TBC1D21: variants seen among roughly 807,000 people sequenced by gnomAD.
TBC1D21 encodes male germ cell Rab GTPase-activating protein.
In TBC1D21, 38 loss-of-function variants were observed where a neutral mutation model predicts 46.0. The ratio of observed to expected loss-of-function variants is 0.83; its 90% CI spans 0.64 to 1.08. TBC1D21 has a LOEUF of 1.08. TBC1D21 is among the 50% of genes least tolerant of loss of function. The pLI, the probability that TBC1D21 is intolerant of heterozygous loss-of-function variation, is 0.00. For synonymous variants in TBC1D21, 151 were observed against 157.2 expected, an observed-to-expected ratio of 0.96 and a Z score of 0.29; for missense variants, 415 against 417.9, an observed-to-expected ratio of 0.99 and a Z score of 0.06.
Position 73,888,365 on chromosome 15 carries a change from G to A in TBC1D21, c.895-65G>A, listed in dbSNP as rs1433854744. 4.3e-6 allele frequency: 6 copies of A among 1,393,972 alleles called. No individual in the cohort carries two copies. In the East Asian group the frequency reaches 1.2e-4, roughly 28 times the overall value. The allele number at this position is 1,393,972 out of a possible 1,614,324, so 86.4% of individuals were successfully genotyped here. A position where few individuals can be genotyped will look rare whatever the true frequency, so the allele number is the denominator to read the frequency against. On this transcript the variant is annotated intron_variant, in intron 9 of 10. Transcript: ENST00000300504. ...CTGGGTGCTGCAGGCAGCTGCATGT[G>A]CCCAAGAGTGCTGGGAGATGTTTGC... is the stretch of plus-strand genomic sequence containing the variant.
the TBC1D21 span, among the ~76,000 whole-genome samples, chr15:73,905,650 AC>A: frequency 6.6e-6 from 1 of 152,228 alleles, no homozygotes; most frequent in African/African-American, 2.4e-5. Context: ...ACTGCTACAA[AC>A]CAGGGCATTT....
At chr15:73,898,902 T>TATATATATATATATAA in the TBC1D21 span, among the ~76,000 whole-genome samples, 1 of 112,890 alleles carries the variant, frequency 8.9e-6, no homozygotes, top group Non-Finnish European at 1.8e-5. Flanking sequence ...TATATATATA[T>TATATATATATATATAA]ACACACACAC....
the TBC1D21 span, among the ~76,000 whole-genome samples, chr15:73,907,109 CTCTTCCTCT>C: frequency 1.3e-5 from 2 of 150,820 alleles, no homozygotes; most frequent in Non-Finnish European, 3.0e-5. Context: ...CCTTCTCCTC[CTCTTCCTCT>C]TCTTCCTCTT....
In TBC1D21 at chr15:73,887,589, A is replaced by G. The variant is rs376313102; in HGVS notation, c.778-31A>G. Reference sequence around the variant, plus strand: ...CAGGGCATCTGCAGTCTCAGACCACAGGGCCCAGACTGAGACGTCCTGACC... The same window carrying G: ...CAGGGCATCTGCAGTCTCAGACCACGGGGCCCAGACTGAGACGTCCTGACC... On this transcript the variant is annotated intron_variant, in intron 8 of 10. Transcript: ENST00000300504. 30 of 1,595,134 alleles carry G rather than the reference A, an allele frequency of 1.9e-5. No individual in the cohort carries two copies. The African/African-American group carries it at 3.9e-4, about 21-fold the overall frequency.
At position 73,887,733 on chromosome 15, in the gene TBC1D21, C is replaced by T. The variant is rs763679292; in HGVS notation, c.891C>T (p.Leu297=). 13 of 1,613,008 alleles carry T rather than the reference C, an allele frequency of 8.1e-6. No individual in the cohort carries two copies. The South Asian group carries it at 8.8e-5, about 11-fold the overall frequency. ...AAAGCATGGGCGGGGATGACATCCT[C>T]CTGGTGAGAGCACCCTCGGGCAAGC... ...LQESMGGDDI[L]LACNNLIDLD... Residue 297 remains leucine, a synonymous_variant, in exon 9 of 11, where the codon CTC becomes CTT. Coordinates refer to ENST00000300504, the MANE Select transcript of TBC1D21 (RefSeq NM_153356.3).
rs1595823386 is a variant in TBC1D21 at position 73,884,306 on chromosome 15, C to T, written c.367+61C>T. On this transcript the variant is annotated intron_variant, in intron 4 of 10. Coordinates refer to ENST00000300504, the MANE Select transcript of TBC1D21 (RefSeq NM_153356.3). ...GAGGGCTTGAAGCCAACCCTGCCCC[C>T]TTCTCAGCCACTTCCAGGGAGGGAT... is the stretch of plus-strand genomic sequence containing the variant. The T allele has an allele frequency of 1.3e-5, 19 of 1,454,024 alleles. 2 individuals carry two copies. In the Middle Eastern group the frequency reaches 2.1e-3, roughly 163 times the overall value. The allele number at this position is 1,454,024 out of a possible 1,614,324, so 90.1% of individuals were successfully genotyped here.
rs1044567393 is a variant in TBC1D21, at chr15:73,887,839, G to C, written c.894+103G>C. ...GGGGTTCATGGGGTGCTGGGCACCA[G>C]TGCCACCTTTTCCCCCCAGACAGAA... On this transcript the variant is annotated intron_variant, in intron 9 of 10. Transcript: ENST00000300504. 10 of 923,264 alleles carry C rather than the reference G, an allele frequency of 1.1e-5. No individual in the cohort carries two copies. The African/African-American group carries it at 1.6e-4, about 15-fold the overall frequency. The allele number at this position is 923,264 out of a possible 1,614,324, so 57.2% of individuals were successfully genotyped here.
At chr15:73,903,682 T>G in the TBC1D21 span, among the ~76,000 whole-genome samples, 1 of 152,214 alleles carries the variant, frequency 6.6e-6, no homozygotes, top group Non-Finnish European at 1.5e-5. Flanking sequence ...ACCAGGCCCC[T>G]TCACTCAGTA....
the TBC1D21 span, among the ~76,000 whole-genome samples, chr15:73,903,358 C>T: frequency 7.4e-4 from 112 of 152,304 alleles, no homozygotes; most frequent in African/African-American, 2.6e-3. Flanking sequence ...GAAGGAAGGG[C>T]GGGGAGCTGG....
intron 1 of TBC1D21, among the ~76,000 whole-genome samples, chr15:73,878,840 G>C (rs1457369590): frequency 6.6e-6 from 1 of 152,212 alleles, no homozygotes; most frequent in Admixed American, 6.5e-5. Flanking sequence ...ACACAGCCCA[G>C]CTTTGCCTGT....
chr15:73,892,421 A>G (rs964473254), downstream of TBC1D21, among the ~76,000 whole-genome samples: 3 of 152,170 alleles, frequency 2.0e-5, no homozygotes, highest in South Asian at 4.1e-4. Context: ...CCTTTTGGGG[A>G]TCCCAGACCT....
At chr15:73,898,965 A>C in the TBC1D21 span, among the ~76,000 whole-genome samples, 2 of 149,742 alleles carry the variant, frequency 1.3e-5, no homozygotes, top group Non-Finnish European at 3.0e-5. Context: ...ATATAAAATA[A>C]TTAATAAAAA....
Position 73,884,872 on chromosome 15 carries a change from C to T in TBC1D21, c.459C>T (p.Tyr153=), listed in dbSNP as rs138628164. 982 of 1,613,994 alleles carry T rather than the reference C, an allele frequency of 6.1e-4. No individual in the cohort carries two copies. Among genetic ancestry groups the T allele is most frequent in the Non-Finnish European group, 7.9e-4 (932 of 1,179,908 alleles). The change falls in exon 5 of 11, where the codon TAC becomes TAT. Residue 153 remains tyrosine, a synonymous_variant. Transcript: ENST00000300504. ...TAGAGAAGATCCTGCTCCTGAGTTA[C>T]GTCTGCAACACGCAGGCAGGTGAGC... The part of the protein sequence containing the change: ...KRLEKILLLS[Y]VCNTQAEYQQ...
At chr15:73,905,853 GC>G in the TBC1D21 span, among the ~76,000 whole-genome samples, 2 of 152,210 alleles carry the variant, frequency 1.3e-5, no homozygotes, top group Admixed American at 6.5e-5. Context: ...CAACTGAGCA[GC>G]ATAGGACCAA....
At chr15:73,886,869 G>T (rs113616536) in intron 8 of TBC1D21, among the ~76,000 whole-genome samples, 3 of 152,220 alleles carry the variant, frequency 2.0e-5, no homozygotes, top group African/African-American at 7.2e-5. Context: ...CCTATGGCCT[G>T]TGCAGTGGGA....
chr15:73,887,241 G>T (rs575025681), intron 8 of TBC1D21, among the ~76,000 whole-genome samples: 103 of 152,272 alleles, frequency 6.8e-4, no homozygotes, highest in African/African-American at 2.4e-3. Flanking sequence ...CCACACCCAG[G>T]CCTTTGGTGA....
chr15:73,894,209 T>G (rs2068358633), downstream of TBC1D21, among the ~76,000 whole-genome samples: 1 of 152,200 alleles, frequency 6.6e-6, no homozygotes, highest in Non-Finnish European at 1.5e-5. Context: ...TTTCACCTCT[T>G]TCCCTGCCCA....
At chr15:73,884,962 T>TGCCCCCCCC in intron 5 of TBC1D21, 41 bp from the exon 6 acceptor site, 1 of 1,593,072 alleles carries the variant, frequency 6.3e-7, no homozygotes, top group Non-Finnish European at 8.6e-7. Flanking sequence ...GTCCAGGCTC[T>TGCCCCCCCC]CCCACCCAGC....
chr15:73,881,357 A>G (rs2068150519), intron 1 of TBC1D21, 42 bp from the exon 2 acceptor site: 1 of 1,460,680 alleles, frequency 6.8e-7, no homozygotes, highest in Admixed American at 1.8e-5. Flanking sequence ...TAAAAGCCGA[A>G]GCCTTCTAAC....
Sources: gnomAD v4.1 joint callset for allele counts (sites outside exome capture counted in the v4.1 genomes callset) on GRCh38, gnomAD v4.1.1 for gene constraint, MANE v1.5 for transcripts, NCBI Gene and HGNC (gene_info 2026-07-23, HGNC 2026-07-21) for gene names.